NRXN3: variants seen among roughly 807,000 people sequenced by gnomAD.
NRXN3 encodes the protein neurexin 3.
NRXN3 carries 32 observed loss-of-function variants against 137.6 expected under a neutral mutation model. The observed-to-expected ratio is 0.23, with a 90% CI of 0.18 to 0.31. The LOEUF (loss-of-function observed/expected upper bound fraction) is 0.31, where lower values mean the gene tolerates loss of function less well. Among genes scored for constraint, NRXN3 ranks in the 10% least tolerant of loss-of-function variants. NRXN3 has a pLI of 1.00. For synonymous variants in NRXN3, 798 were observed against 784.5 expected (o/e 1.02, Z -0.29); for missense variants, 1,574 against 2,062.5 (o/e 0.76, Z 4.59).
chr14:79,367,511 C>T (rs1201588341), intron 15 of NRXN3, among the ~76,000 whole-genome samples: 1 of 152,140 alleles, frequency 6.6e-6, no homozygotes, highest in African/African-American at 2.4e-5. Flanking sequence ...ATCAAGGATT[C>T]AGATTTCCCA....
intron 19 of NRXN3, among the ~76,000 whole-genome samples, chr14:79,801,802 C>G (rs191006823): frequency 6.6e-6 from 1 of 151,704 alleles, no homozygotes; most frequent in East Asian, 1.9e-4. Context: ...CAAAGTGGAG[C>G]GCAGAGAGGG....
chr14:78,375,894 C>A (rs1478426575), intron 4 of NRXN3, among the ~76,000 whole-genome samples: 2 of 152,016 alleles, frequency 1.3e-5, no homozygotes, highest in Non-Finnish European at 2.9e-5. Context: ...CAGCTTTTCC[C>A]CTTCTCATGA....
At chr14:78,594,699 G>A (rs187562678) in intron 4 of NRXN3, among the ~76,000 whole-genome samples, 80 of 152,234 alleles carry the variant, frequency 5.3e-4, no homozygotes, top group Non-Finnish European at 7.6e-4. Flanking sequence ...TGTCCGCTAC[G>A]AAGGATGGAG....
At chr14:79,225,376 C>T (rs558069772) in intron 15 of NRXN3, among the ~76,000 whole-genome samples, 26 of 152,248 alleles carry the variant, frequency 1.7e-4, no homozygotes, top group African/African-American at 6.3e-4. Context: ...CATAGGATAG[C>T]CTCATGTGCA....
intron 4 of NRXN3, among the ~76,000 whole-genome samples, chr14:78,559,937 A>C (rs548888336): frequency 6.6e-6 from 1 of 152,226 alleles, no homozygotes; most frequent in Non-Finnish European, 1.5e-5. Context: ...GTCTGCAGCG[A>C]GCACCTTTTG....
intron 17 of NRXN3, among the ~76,000 whole-genome samples, chr14:79,679,625 A>T (rs1032520311): frequency 1.3e-5 from 2 of 152,160 alleles, no homozygotes; most frequent in African/African-American, 4.8e-5. Flanking sequence ...GGAGGGAATT[A>T]TAGAAGTAGA....
intron 20 of NRXN3, among the ~76,000 whole-genome samples, chr14:79,830,525 G>A (rs2099320104): frequency 6.6e-6 from 1 of 152,120 alleles, no homozygotes; most frequent in Non-Finnish European, 1.5e-5. Flanking sequence ...AATTAGTAAA[G>A]GGGGCTTTTG....
At chr14:78,369,726 C>T (rs541836769) in intron 4 of NRXN3, among the ~76,000 whole-genome samples, 21 of 152,088 alleles carry the variant, frequency 1.4e-4, no homozygotes, top group African/African-American at 2.2e-4. Context: ...GTTTATAAGC[C>T]GGTGTAGCTT....
At chr14:79,754,304 A>T (rs981227313) in intron 19 of NRXN3, among the ~76,000 whole-genome samples, 3 of 151,876 alleles carry the variant, frequency 2.0e-5, no homozygotes, top group African/African-American at 7.3e-5. Context: ...AGATTGCATC[A>T]CTTCACTCTG....
At chr14:79,521,759 C>A (rs1326570694) in intron 16 of NRXN3, among the ~76,000 whole-genome samples, 1 of 152,034 alleles carries the variant, frequency 6.6e-6, no homozygotes, top group Non-Finnish European at 1.5e-5. Flanking sequence ...ATATTATTCC[C>A]ATTAGGTTAG....
rs1278089630 is a variant in NRXN3, at chr14:78,170,836, TG to T, written c.-704+163del. 2.0e-5 allele frequency among the ~76,000 whole-genome samples: 3 copies of T among 152,334 alleles called. No individual in the cohort carries two copies. In the East Asian group the frequency reaches 5.8e-4, roughly 29 times the overall value. The stretch of plus-strand genomic sequence containing the variant: ...ACTGTATCCATGAGCCTTGGCTGAC[TG>T]TGGAAATGGCTTTTCAACTGCCTTT... On this transcript the variant is annotated intron_variant, in intron 1 of 20. Coordinates refer to ENST00000335750, the MANE Select transcript of NRXN3 (RefSeq NM_001330195.2).
intron 15 of NRXN3, among the ~76,000 whole-genome samples, chr14:79,417,150 A>G (rs556137228): frequency 2.0e-5 from 3 of 152,230 alleles, no homozygotes; most frequent in Non-Finnish European, 4.4e-5. Context: ...GGAGATGATT[A>G]TTATCTATTT....
chr14:79,372,029 A>G (rs1030207392), intron 15 of NRXN3, among the ~76,000 whole-genome samples: 1 of 152,212 alleles, frequency 6.6e-6, no homozygotes, highest in Non-Finnish European at 1.5e-5. Flanking sequence ...AACAATTTAT[A>G]TGCTGATATA....
At chr14:78,249,531 A>G (rs1325135002) in intron 2 of NRXN3, among the ~76,000 whole-genome samples, 3 of 152,076 alleles carry the variant, frequency 2.0e-5, no homozygotes, top group African/African-American at 7.2e-5. Context: ...TGGGACTACC[A>G]TGACCCCCTT....
chr14:78,925,510 T>C (rs1331293784), intron 10 of NRXN3, among the ~76,000 whole-genome samples: 1 of 152,206 alleles, frequency 6.6e-6, no homozygotes, highest in African/African-American at 2.4e-5. Flanking sequence ...TTAAATGTGA[T>C]TGTGCAGCTC....
In NRXN3 at chr14:79,234,319, TA is replaced by T. The variant is rs1393427687; in HGVS notation, c.3263-232901del. 4.2e-5 allele frequency among the ~76,000 whole-genome samples: 5 copies of T among 118,966 alleles called. 1 individual carries two copies. The highest frequency in any genetic ancestry group is 2.5e-4 in the Admixed American group (3 of 11,912). The allele number at this position is 118,966 out of a possible 152,430, so 78.0% of individuals were successfully genotyped here. A position where few individuals can be genotyped will look rare whatever the true frequency, so the allele number is the denominator to read the frequency against. ...ATATATATATATATATATATATATATATATATATATATATATATATAATATT... is the reference window on the plus strand; with the variant it reads ...ATATATATATATATATATATATATATTATATATATATATATATATAATATT... On this transcript the variant is annotated intron_variant, in intron 15 of 20. Transcript: ENST00000335750.
chr14:78,341,019 T>C (rs1299736419), intron 4 of NRXN3, among the ~76,000 whole-genome samples: 1 of 152,220 alleles, frequency 6.6e-6, no homozygotes, highest in Non-Finnish European at 1.5e-5. Flanking sequence ...GTCAGTTTTT[T>C]ATTATAAGTA....
At chr14:78,269,781 C>A (rs1271536230) in intron 2 of NRXN3, among the ~76,000 whole-genome samples, 1 of 152,144 alleles carries the variant, frequency 6.6e-6, no homozygotes, top group East Asian at 1.9e-4. Flanking sequence ...GCAGAACTCA[C>A]CTCCACTGAA....
chr14:78,539,262 T>C (rs1047453221), intron 4 of NRXN3, among the ~76,000 whole-genome samples: 1 of 152,188 alleles, frequency 6.6e-6, no homozygotes, highest in African/African-American at 2.4e-5. Context: ...TTTTGGTTGG[T>C]AGGTTATTAA....
Sources: gnomAD v4.1 joint callset for allele counts (sites outside exome capture counted in the v4.1 genomes callset) on GRCh38, gnomAD v4.1.1 for gene constraint, MANE v1.5 for transcripts, NCBI Gene and HGNC (gene_info 2026-07-23, HGNC 2026-07-21) for gene names.